The following TTC39B variants were observed in gnomAD, a reference collection of about 807,000 sequenced individuals.
The protein encoded by TTC39B is tetratricopeptide repeat domain 39B, also known as tetratricopeptide repeat protein 39B.
In TTC39B, 92 loss-of-function variants were observed where a neutral mutation model predicts 96.6. The observed-to-expected ratio is 0.95, with a 90% confidence interval of 0.80 to 1.13. TTC39B has a LOEUF of 1.13. TTC39B is among the 50% of genes most tolerant of loss of function. The probability of loss-of-function intolerance (pLI) is 0.00; values close to 1 mark genes in which losing one functional copy is unlikely to be tolerated. For missense variants in TTC39B, 955 were observed against 809.3 expected (o/e 1.18, Z -2.18); for synonymous variants, 367 against 299.4 (o/e 1.23, Z -2.33).
At chr9:15,171,923 C>G (rs549585549) in exon 20 of TTC39B, 1 of 924,440 alleles carries the variant, frequency 1.1e-6, no homozygotes, top group South Asian at 2.0e-5. Flanking sequence ...TTTTTTGTCT[C>G]TTATTCACAA....
chr9:15,219,160 C>T (rs550284726), intron 3 of TTC39B, among the ~76,000 whole-genome samples: 105 of 152,358 alleles, frequency 6.9e-4, no homozygotes, highest in Non-Finnish European at 1.2e-3. Flanking sequence ...GAACAACTCA[C>T]TTTACCTCTG....
chr9:15,257,671 C>T (rs1290602601), intron 2 of TTC39B, among the ~76,000 whole-genome samples: 3 of 152,004 alleles, frequency 2.0e-5, no homozygotes, highest in African/African-American at 4.8e-5. Context: ...TGGTCTCAAA[C>T]TCCTGGGCTC....
chr9:15,198,461 AATATAT>A (rs61517681), intron 8 of TTC39B, among the ~76,000 whole-genome samples: 4 of 117,316 alleles, frequency 3.4e-5, no homozygotes, highest in Admixed American at 1.8e-4. Flanking sequence ...CGGTCGCAAA[AATATAT>A]ATATATATAT....
intron 8 of TTC39B, among the ~76,000 whole-genome samples, chr9:15,194,978 C>T (rs1239229686): frequency 3.9e-5 from 6 of 152,132 alleles, no homozygotes; most frequent in Non-Finnish European, 8.8e-5. Context: ...AAGGAAGATT[C>T]GCACCTCTCA....
chr9:15,248,953 A>G (rs2131498468), intron 2 of TTC39B: 2 of 152,316 alleles, frequency 1.3e-5, no homozygotes, highest in East Asian at 3.9e-4. Context: ...TTGACTACTG[A>G]TCTCTGAACA....
At chr9:15,258,131 G>A (rs188535348) in intron 2 of TTC39B, among the ~76,000 whole-genome samples, 8 of 152,158 alleles carry the variant, frequency 5.3e-5, no homozygotes, top group African/African-American at 1.7e-4. Context: ...AAAAGTAGAG[G>A]GAGAGAACAA....
chr9:15,272,685 G>T (rs764561075), intron 1 of TTC39B, among the ~76,000 whole-genome samples: 1 of 152,152 alleles, frequency 6.6e-6, no homozygotes, highest in Non-Finnish European at 1.5e-5. Flanking sequence ...TCTCTAGTTG[G>T]AGTCAAGCAC....
chr9:15,198,471 T>C (rs966712966), intron 8 of TTC39B, among the ~76,000 whole-genome samples: 2 of 144,418 alleles, frequency 1.4e-5, no homozygotes, highest in Non-Finnish European at 3.0e-5. Context: ...AATATATATA[T>C]ATATATATAT....
At position 15,199,955 on chromosome 9, in the gene TTC39B, T is replaced by C. The variant is rs372006501; in HGVS notation, c.760-30A>G. The C allele has an allele frequency of 4.9e-5, 67 of 1,378,822 alleles. No homozygotes were observed. The African/African-American group carries it at 9.4e-4, about 19-fold the overall frequency. The allele number at this position is 1,378,822 out of a possible 1,614,324, so 85.4% of individuals were successfully genotyped here. A position where few individuals can be genotyped will look rare whatever the true frequency, so the allele number is the denominator to read the frequency against. On this transcript the variant is annotated intron_variant, in intron 7 of 19. Transcript: ENST00000512701. ...AAATAATTCAGTTAAAAAATTAGAT[T>C]ATTTAGCAAAAAATTTTAAATTGTC...
At chr9:15,271,330 A>T (rs919439530) in intron 1 of TTC39B, among the ~76,000 whole-genome samples, 11 of 152,312 alleles carry the variant, frequency 7.2e-5, no homozygotes, top group African/African-American at 2.6e-4. Flanking sequence ...TTAGTGGCGA[A>T]AAAGACTACC....
intron 2 of TTC39B, among the ~76,000 whole-genome samples, chr9:15,244,307 TG>T (rs1187614398): frequency 6.6e-6 from 1 of 152,204 alleles, no homozygotes; most frequent in Non-Finnish European, 1.5e-5. Flanking sequence ...GACTGGAGCG[TG>T]ATTTAGGAGA....
At chr9:15,244,591 T>A in intron 2 of TTC39B, among the ~76,000 whole-genome samples, 1 of 152,142 alleles carries the variant, frequency 6.6e-6, no homozygotes, top group East Asian at 1.9e-4. Flanking sequence ...AGAGGAGTTA[T>A]AGAGGAGTAT....
At chr9:15,200,947 C>T (rs623137) in intron 7 of TTC39B, among the ~76,000 whole-genome samples, 24,112 of 152,114 alleles carry the variant, frequency 0.16, 2,004 homozygotes, top group Middle Eastern at 0.18. Flanking sequence ...TGCAGTGAGC[C>T]AAGATCGCGC....
At chr9:15,225,127 T>C (rs920772075) in intron 3 of TTC39B, among the ~76,000 whole-genome samples, 2 of 152,070 alleles carry the variant, frequency 1.3e-5, no homozygotes, top group African/African-American at 2.4e-5. Context: ...AATTCTAAAA[T>C]GATCTGGAAA....
chr9:15,287,090 TGAG>T (rs1415281182), intron 1 of TTC39B, among the ~76,000 whole-genome samples: 1 of 152,228 alleles, frequency 6.6e-6, no homozygotes, highest in African/African-American at 2.4e-5. Flanking sequence ...TTTATTAAAA[TGAG>T]GATATTGGGG....
chr9:15,189,883 C>T (rs932205921), intron 11 of TTC39B, 91 bp from the exon 12 acceptor site: 2 of 798,554 alleles, frequency 2.5e-6, no homozygotes, highest in African/African-American at 1.7e-5. Context: ...ACAGTAAAGA[C>T]CTACTCATGG....
chr9:15,285,274 G>GC (rs1554632724), intron 1 of TTC39B, among the ~76,000 whole-genome samples: 4 of 127,882 alleles, frequency 3.1e-5, no homozygotes, highest in Admixed American at 7.6e-5. Context: ...GTCTCAAAAA[G>GC]AAAAAAAAAA....
chr9:15,283,444 G>C lies in TTC39B; in HGVS notation c.241-15496C>G, dbSNP rs148244005. Among the ~76,000 whole-genome samples the C allele has an allele frequency of 5.6e-3, 856 of 152,254 alleles. 7 individuals are homozygous for C. The highest frequency in any genetic ancestry group is 9.2e-3 in the Non-Finnish European group (628 of 68,030). On this transcript the variant is annotated intron_variant, in intron 1 of 19. Coordinates refer to ENST00000512701, the Ensembl canonical transcript of TTC39B. The stretch of plus-strand genomic sequence containing the variant: ...TAAACTTGACATTTCTGTAAAACAG[G>C]TGCAATTATCATTCCCACAGCTAAC...
chr9:15,260,927 A>G (rs967651533), intron 2 of TTC39B, among the ~76,000 whole-genome samples: 7 of 152,218 alleles, frequency 4.6e-5, no homozygotes, highest in African/African-American at 1.7e-4. Context: ...TCAGGATTCC[A>G]TTGAACACAT....
Sources: gnomAD v4.1 joint callset for allele counts (sites outside exome capture counted in the v4.1 genomes callset) on GRCh38, gnomAD v4.1.1 for gene constraint, MANE v1.5 for transcripts, NCBI Gene and HGNC (gene_info 2026-07-23, HGNC 2026-07-21) for gene names.